Variants in FMN1 observed in about 807,000 individuals in gnomAD.
FMN1 encodes the protein formin-1.
FMN1 carries 110 observed loss-of-function variants against 132.4 expected under a neutral mutation model. The observed-to-expected ratio is 0.83, with a 90% CI of 0.71 to 0.97. The LOEUF (loss-of-function observed/expected upper bound fraction) is 0.97, where lower values mean the gene tolerates loss of function less well. Among genes scored for constraint, FMN1 ranks in the 50% least tolerant of loss-of-function variants. The pLI, the probability that FMN1 is intolerant of heterozygous loss-of-function variation, is 0.00. For missense variants in FMN1, 1,792 were observed against 1,705.3 expected, an observed-to-expected ratio of 1.05 and a Z score of -0.90; for synonymous variants, 722 against 651.7, an observed-to-expected ratio of 1.11 and a Z score of -1.64.
intron 9 of FMN1, among the ~76,000 whole-genome samples, chr15:32,950,408 T>A (rs1353041633): frequency 6.6e-6 from 1 of 151,916 alleles, no homozygotes; most frequent in African/African-American, 2.4e-5. Flanking sequence ...AAAACACCAT[T>A]CACAATAGCA....
At chr15:32,901,296 T>A (rs1309505838) in intron 13 of FMN1, among the ~76,000 whole-genome samples, 1 of 152,210 alleles carries the variant, frequency 6.6e-6, no homozygotes, top group Non-Finnish European at 1.5e-5. Flanking sequence ...ATCTCATATC[T>A]TAGAGGAAAA....
At chr15:33,012,709 T>C in intron 6 of FMN1, 2 of 776,554 alleles carry the variant, frequency 2.6e-6, no homozygotes, top group Non-Finnish European at 4.6e-6. Flanking sequence ...ACATAGTAGT[T>C]CTGGAAACTT....
chr15:32,882,696 G>T (rs1283652368), intron 16 of FMN1, among the ~76,000 whole-genome samples: 1 of 152,090 alleles, frequency 6.6e-6, no homozygotes, highest in African/African-American at 2.4e-5. Context: ...ATTTTTTAGT[G>T]TAAGTGTGTA....
intron 7 of FMN1, among the ~76,000 whole-genome samples, chr15:32,974,601 G>C (rs28376803): frequency 1.3e-5 from 2 of 152,140 alleles, no homozygotes; most frequent in Non-Finnish European, 2.9e-5. Flanking sequence ...CTGGTGCTCA[G>C]GCCCATCCCC....
intron 9 of FMN1, among the ~76,000 whole-genome samples, chr15:32,954,053 G>A (rs536392208): frequency 6.6e-6 from 1 of 152,190 alleles, no homozygotes; most frequent in African/African-American, 2.4e-5. Context: ...AAGGTCAGAG[G>A]GGTTACATGA....
chr15:33,118,745 C>G (rs1346156866), intron 4 of FMN1, among the ~76,000 whole-genome samples: 1 of 151,812 alleles, frequency 6.6e-6, no homozygotes, highest in Non-Finnish European at 1.5e-5. Flanking sequence ...GTTAAATAAT[C>G]TAGATTAAGT....
chr15:33,091,883 A>C (rs1293131951), intron 4 of FMN1, among the ~76,000 whole-genome samples: 1 of 152,236 alleles, frequency 6.6e-6, no homozygotes, highest in Non-Finnish European at 1.5e-5. Flanking sequence ...TTCCGACACA[A>C]ATAGATTTGG....
chr15:33,102,851 C>T (rs956358346), intron 4 of FMN1, among the ~76,000 whole-genome samples: 1 of 152,032 alleles, frequency 6.6e-6, no homozygotes, highest in Non-Finnish European at 1.5e-5. Flanking sequence ...AAGAAATGTA[C>T]TTTTAGCAAA....
At chr15:33,160,575 A>G (rs1441330001) in intron 3 of FMN1, among the ~76,000 whole-genome samples, 3 of 152,274 alleles carry the variant, frequency 2.0e-5, no homozygotes, top group Non-Finnish European at 2.9e-5. Flanking sequence ...GCAAAAGGAC[A>G]GGAAATCACT....
intron 9 of FMN1, among the ~76,000 whole-genome samples, chr15:32,955,466 T>C (rs2061744380): frequency 6.6e-6 from 1 of 152,178 alleles, no homozygotes; most frequent in Admixed American, 6.5e-5. Flanking sequence ...TACTTCTAGC[T>C]TGGAACTGAA....
rs141450477 is a variant in FMN1 at position 33,009,078 on chromosome 15, A to C, written c.2162-1003T>G. 2.2e-4 allele frequency among the ~76,000 whole-genome samples: 33 copies of C among 152,330 alleles called. No homozygotes were observed. In the East Asian group the frequency reaches 5.6e-3, roughly 26 times the overall value. On this transcript the variant is annotated intron_variant, in intron 6 of 20. Coordinates refer to ENST00000616417, the MANE Select transcript of FMN1 (RefSeq NM_001277313.2). ...CGCCAGAAAAGTAGTGTTGCTGCTG[A>C]TAATTACGGCTAGATAGACCTCTAC...
intron 9 of FMN1, among the ~76,000 whole-genome samples, chr15:32,955,804 CGTGTGCGTGTGTGTGTGTGTGT>C (rs908995947): frequency 2.9e-5 from 4 of 138,830 alleles, no homozygotes; most frequent in African/African-American, 1.3e-4. Context: ...GATGTGTGTG[CGTGTGCGTGTGTGTGTGTGTGT>C]GCGTGCGCGC....
chr15:32,786,900 T>A (rs1046963335), intron 19 of FMN1, among the ~76,000 whole-genome samples: 5 of 152,198 alleles, frequency 3.3e-5, no homozygotes, highest in Admixed American at 1.3e-4. Context: ...TACTCGAGTC[T>A]ATACAAGGTA....
intron 7 of FMN1, among the ~76,000 whole-genome samples, chr15:32,992,465 G>A (rs1204488817): frequency 2.0e-5 from 3 of 151,962 alleles, no homozygotes. Context: ...TTTCCCTCAG[G>A]ACTAACTGAA....
intron 4 of FMN1, among the ~76,000 whole-genome samples, chr15:33,102,256 A>T (rs1175093576): frequency 6.6e-6 from 1 of 152,136 alleles, no homozygotes; most frequent in African/African-American, 2.4e-5. Context: ...TTCATACTCA[A>T]ATTCAAAGAC....
intron 7 of FMN1, among the ~76,000 whole-genome samples, chr15:32,979,999 C>T (rs140101407): frequency 2.4e-3 from 372 of 152,266 alleles, no homozygotes; most frequent in African/African-American, 8.4e-3. Context: ...AGGGATTAGT[C>T]ACTTGAGAAA....
chr15:32,962,024 G>A (rs1287637776), intron 9 of FMN1, among the ~76,000 whole-genome samples: 7 of 151,970 alleles, frequency 4.6e-5, no homozygotes, highest in Admixed American at 2.0e-4. Flanking sequence ...TACTAAAGTC[G>A]ACCCTCCTTC....
At chr15:32,972,875 C>T (rs2031901245) in intron 7 of FMN1, among the ~76,000 whole-genome samples, 1 of 152,172 alleles carries the variant, frequency 6.6e-6, no homozygotes, top group Non-Finnish European at 1.5e-5. Context: ...CTCATTGTTG[C>T]CGAACCCCAA....
At chr15:33,127,074 G>A (rs946515359) in intron 4 of FMN1, among the ~76,000 whole-genome samples, 4 of 152,192 alleles carry the variant, frequency 2.6e-5, no homozygotes, top group African/African-American at 4.8e-5. Context: ...CTGTTTTCCA[G>A]GCACTGTATC....
Sources: gnomAD v4.1 joint callset for allele counts (sites outside exome capture counted in the v4.1 genomes callset) on GRCh38, gnomAD v4.1.1 for gene constraint, MANE v1.5 for transcripts, NCBI Gene and HGNC (gene_info 2026-07-23, HGNC 2026-07-21) for gene names.